The following HTR1E variants were observed in gnomAD, a reference collection of about 807,000 sequenced individuals.
HTR1E encodes the protein 5-HT-1E.
Under a neutral mutation model 3.4 loss-of-function variants are expected in HTR1E, and 3 were observed. The observed-to-expected ratio is 0.89, with a 90% CI of 0.41 to 2.31. The LOEUF is 2.31. Ranked by LOEUF, HTR1E falls within the 30% of genes most tolerant of loss-of-function variation. HTR1E has a pLI of 0.05. For missense variants in HTR1E, 392 were observed against 467.0 expected (o/e 0.84, Z 1.48); for synonymous variants, 170 against 182.8 (o/e 0.93, Z 0.56).
intron 1 of HTR1E, among the ~76,000 whole-genome samples, chr6:86,989,889 C>T (rs1207803774): frequency 6.6e-6 from 1 of 151,960 alleles, no homozygotes; most frequent in Non-Finnish European, 1.5e-5. Flanking sequence ...TTTCAACCTA[C>T]AGTAAGTTGA....
At chr6:86,986,554 TTTC>T (rs1443527625) in intron 1 of HTR1E, among the ~76,000 whole-genome samples, 1 of 152,168 alleles carries the variant, frequency 6.6e-6, no homozygotes, top group Non-Finnish European at 1.5e-5. Context: ...CAGTCGTAAC[TTTC>T]TTCTGCTGAA....
chr6:86,975,440 C>A (rs1201704765), intron 1 of HTR1E, among the ~76,000 whole-genome samples: 4 of 152,068 alleles, frequency 2.6e-5, no homozygotes, highest in African/African-American at 9.7e-5. Context: ...TGTTCAGTCT[C>A]TGAAACCCAT....
chr6:86,944,036 G>A (rs1356327398), intron 1 of HTR1E, among the ~76,000 whole-genome samples: 1 of 152,148 alleles, frequency 6.6e-6, no homozygotes, highest in Non-Finnish European at 1.5e-5. Context: ...CAAGCCTCAG[G>A]TCCCAGCTGG....
rs148395112 is a variant in HTR1E, at chr6:86,940,395, G to C, written c.-186+2572G>C. ...TACAAAAAAATTTAAAATGAGCCAAGTATAGTGGTGTGTACCTGTAGTCCC... is the reference window on the plus strand; with the variant it reads ...TACAAAAAAATTTAAAATGAGCCAACTATAGTGGTGTGTACCTGTAGTCCC... On this transcript the variant is annotated intron_variant, in intron 1 of 1. Coordinates refer to ENST00000305344, the MANE Select transcript of HTR1E (RefSeq NM_000865.3). Among the ~76,000 whole-genome samples the C allele has an allele frequency of 7.7e-4, 118 of 152,262 alleles. 1 individual carries two copies. The highest frequency in any genetic ancestry group is 2.7e-3 in the African/African-American group (113 of 41,536).
At chr6:87,007,242 A>T (rs547244064) in intron 1 of HTR1E, among the ~76,000 whole-genome samples, 1 of 152,200 alleles carries the variant, frequency 6.6e-6, no homozygotes, top group Admixed American at 6.5e-5. Context: ...AACTTCACAC[A>T]GTCTCACTTA....
chr6:86,953,375 G>A (rs1307798631), intron 1 of HTR1E, among the ~76,000 whole-genome samples: 2 of 152,270 alleles, frequency 1.3e-5, no homozygotes, highest in African/African-American at 4.8e-5. Flanking sequence ...AGATTGTCTG[G>A]GTAGTTTTCT....
chr6:87,010,327 A>C (rs1582285365), intron 1 of HTR1E, among the ~76,000 whole-genome samples: 4 of 76,878 alleles, frequency 5.2e-5, no homozygotes, highest in Admixed American at 1.4e-4. Flanking sequence ...GACCCCCCCC[A>C]CCTCCCTCCC....
At chr6:86,977,156 A>G (rs1301808127) in intron 1 of HTR1E, among the ~76,000 whole-genome samples, 2 of 152,102 alleles carry the variant, frequency 1.3e-5, no homozygotes, top group Non-Finnish European at 2.9e-5. Flanking sequence ...TTAGTACCCA[A>G]CAGGTAGTTT....
chr6:87,011,907 C>G (rs1158157667), intron 1 of HTR1E, among the ~76,000 whole-genome samples: 1 of 152,144 alleles, frequency 6.6e-6, no homozygotes, highest in Non-Finnish European at 1.5e-5. Flanking sequence ...CAATGGTCTA[C>G]ATACCTTTCC....
rs1768299875 is a variant in HTR1E, at chr6:87,015,177, G to C, written c.-158G>C. 8.8e-6 allele frequency: 4 copies of C among 455,536 alleles called. No homozygotes were observed. Among genetic ancestry groups the C allele is most frequent in the Non-Finnish European group, 1.5e-5 (4 of 268,368 alleles). The allele number at this position is 455,536 out of a possible 1,614,324, so 28.2% of individuals were successfully genotyped here. On this transcript the variant is annotated 5_prime_UTR_variant, in exon 2 of 2. Coordinates refer to ENST00000305344, the MANE Select transcript of HTR1E (RefSeq NM_000865.3). Reference sequence around the variant, plus strand: ...ACCTTCACTCAGAAGAAATGCTGTGGCCCTTCCCTTTACCAACAGAAAATG... The same window carrying C: ...ACCTTCACTCAGAAGAAATGCTGTGCCCCTTCCCTTTACCAACAGAAAATG...
At chr6:87,014,254 TATAATAATAATAATAATAATAATA>T (rs200002987) in intron 1 of HTR1E, among the ~76,000 whole-genome samples, 1 of 143,816 alleles carries the variant, frequency 7.0e-6, no homozygotes, top group Non-Finnish European at 1.5e-5. Flanking sequence ...GAACTTAAAG[TATAATAATAATAATAATAATAATA>T]ATAATAATAA....
At chr6:87,005,411 A>C (rs886552741) in intron 1 of HTR1E, among the ~76,000 whole-genome samples, 2 of 152,206 alleles carry the variant, frequency 1.3e-5, no homozygotes, top group African/African-American at 4.8e-5. Flanking sequence ...ATGAAACAAA[A>C]TAGAAAACCC....
rs55799709 is a variant in HTR1E at position 86,945,237 on chromosome 6, T to TTTTG, written c.-186+7439_-186+7442dup. 8.1e-3 allele frequency among the ~76,000 whole-genome samples: 1,229 copies of TTTTG among 151,804 alleles called. 19 individuals are homozygous for TTTTG. Among genetic ancestry groups the TTTTG allele is most frequent in the East Asian group, 0.03 (154 of 5,124 alleles). ...TAAGGCTAATGTGTCTGTATCTTAG[T>TTTTG]TTTGTTTGTTTGTTTGTTTGTTTGT... On this transcript the variant is annotated intron_variant, in intron 1 of 1. Coordinates refer to ENST00000305344, the MANE Select transcript of HTR1E (RefSeq NM_000865.3).
intron 1 of HTR1E, among the ~76,000 whole-genome samples, chr6:86,944,014 C>T (rs568538747): frequency 2.0e-5 from 3 of 152,282 alleles, no homozygotes; most frequent in East Asian, 3.9e-4. Flanking sequence ...AGCTCGCTCA[C>T]GTGGCTGTTG....
chr6:86,962,873 CA>C (rs1209435633), intron 1 of HTR1E, among the ~76,000 whole-genome samples: 1 of 152,076 alleles, frequency 6.6e-6, no homozygotes, highest in Non-Finnish European at 1.5e-5. Flanking sequence ...AAAATAAAAG[CA>C]TACCACATAC....
chr6:87,016,063 T>C lies in HTR1E; in HGVS notation c.729T>C (p.Cys243=), dbSNP rs757194719. Residue 243 remains cysteine (C), a synonymous_variant, in exon 2 of 2, where the codon TGT becomes TGC. Coordinates refer to ENST00000305344, the MANE Select transcript of HTR1E (RefSeq NM_000865.3). ...GTTGTAAACTTACACAGACTTTCTG[T>C]GTGTCTGACTTCTCCACCTCAGACC... The part of the protein sequence containing the change: ...FASCKLTQTF[C]VSDFSTSDPT... 6.2e-7 allele frequency: 1 copy of C among 1,614,020 alleles called. No individual in the cohort carries two copies. Among genetic ancestry groups the C allele is most frequent in the African/African-American group, 1.3e-5 (1 of 74,908 alleles).
chr6:87,008,998 T>C (rs1474054721), intron 1 of HTR1E, among the ~76,000 whole-genome samples: 1 of 152,172 alleles, frequency 6.6e-6, no homozygotes, highest in Non-Finnish European at 1.5e-5. Flanking sequence ...GGTTTGCTTG[T>C]TTTTATTTTT....
intron 1 of HTR1E, among the ~76,000 whole-genome samples, chr6:86,993,919 C>T (rs1468469250): frequency 3.3e-5 from 5 of 151,924 alleles, no homozygotes; most frequent in Non-Finnish European, 5.9e-5. Context: ...AACAGAAAAT[C>T]TTGTCAAAGA....
At chr6:86,942,520 C>T (rs1438896870) in intron 1 of HTR1E, among the ~76,000 whole-genome samples, 1 of 152,164 alleles carries the variant, frequency 6.6e-6, no homozygotes, top group Non-Finnish European at 1.5e-5. Context: ...ATGATTTCCT[C>T]TTTTATTATG....
Sources: gnomAD v4.1 joint callset for allele counts (sites outside exome capture counted in the v4.1 genomes callset) on GRCh38, gnomAD v4.1.1 for gene constraint, MANE v1.5 for transcripts, NCBI Gene and HGNC (gene_info 2026-07-23, HGNC 2026-07-21) for gene names.